PDE4B: variants seen among roughly 807,000 people sequenced by gnomAD.
PDE4B encodes the protein 3',5'-cyclic-AMP phosphodiesterase 4B.
A neutral mutation model predicts 82.2 loss-of-function variants in PDE4B; 20 were observed. That is an observed-to-expected ratio of 0.24 (90% CI 0.17 to 0.35). The LOEUF (loss-of-function observed/expected upper bound fraction) is 0.35, where lower values mean the gene tolerates loss of function less well. Ranked by LOEUF, PDE4B falls within the 10% of genes least tolerant of loss-of-function variation. The pLI, the probability that PDE4B is intolerant of heterozygous loss-of-function variation, is 1.00. For missense variants in PDE4B, 655 were observed against 907.2 expected (o/e 0.72, Z 3.57); for synonymous variants, 320 against 318.9 (o/e 1.00, Z -0.04).
intron 3 of PDE4B, among the ~76,000 whole-genome samples, chr1:65,985,436 C>G (rs529470324): frequency 6.6e-6 from 1 of 151,770 alleles, no homozygotes; most frequent in South Asian, 2.1e-4. Flanking sequence ...TTTTTCTTAT[C>G]TATTTCAGAC....
intron 7 of PDE4B, among the ~76,000 whole-genome samples, chr1:66,288,253 A>C (rs747276518): frequency 4.6e-5 from 7 of 152,022 alleles, no homozygotes; most frequent in Non-Finnish European, 7.4e-5. Context: ...GCCAGATCTT[A>C]TGAGAAATCA....
intron 3 of PDE4B, among the ~76,000 whole-genome samples, chr1:66,171,693 C>T (rs74084644): frequency 6.6e-6 from 1 of 151,946 alleles, no homozygotes; most frequent in African/African-American, 2.4e-5. Flanking sequence ...CTCAAGCAGG[C>T]CTGAGCTTTA....
intron 13 of PDE4B, 162 bp from the exon 14 acceptor site, chr1:66,367,524 ACTGATGACTT>A (rs1663337632): frequency 1.8e-6 from 1 of 546,970 alleles, no homozygotes; most frequent in South Asian, 2.8e-5. Context: ...TTGCTTAGAA[ACTGATGACTT>A]CTGTTTGTAG....
At chr1:66,049,276 G>T (rs1265485788) in intron 3 of PDE4B, among the ~76,000 whole-genome samples, 1 of 151,964 alleles carries the variant, frequency 6.6e-6, no homozygotes, top group East Asian at 1.9e-4. Flanking sequence ...ATTGTGAATG[G>T]AAAAGCTACA....
rs561141737 is a variant in PDE4B at position 66,003,198 on chromosome 1, G to A, written c.281+84363G>A. On this transcript the variant is annotated intron_variant, in intron 3 of 16. Transcript: ENST00000341517. ...ACAATTCAGTATACTAAGAAACAAA[G>A]TATCATTCATTTGCTGTCATGTAAT... Among the ~76,000 whole-genome samples the A allele has an allele frequency of 1.5e-3, 222 of 152,100 alleles. 1 individual carries two copies. Among genetic ancestry groups the A allele is most frequent in the Non-Finnish European group, 2.7e-3 (182 of 67,962 alleles).
chr1:66,225,264 C>G (rs1202859575), intron 3 of PDE4B, among the ~76,000 whole-genome samples: 2 of 152,216 alleles, frequency 1.3e-5, no homozygotes, highest in Non-Finnish European at 2.9e-5. Flanking sequence ...CCCCCGTTCT[C>G]ACCTCAACTC....
At chr1:66,356,519 A>C (rs931573036) in intron 9 of PDE4B, among the ~76,000 whole-genome samples, 1 of 152,098 alleles carries the variant, frequency 6.6e-6, no homozygotes, top group Non-Finnish European at 1.5e-5. Context: ...TGCTTATGAA[A>C]CCTCACTTTC....
At chr1:66,107,997 C>T (rs1645404770) in intron 3 of PDE4B, among the ~76,000 whole-genome samples, 3 of 151,730 alleles carry the variant, frequency 2.0e-5, no homozygotes, top group Non-Finnish European at 4.4e-5. Flanking sequence ...AAAAATTATA[C>T]ATATTTATGG....
chr1:66,238,577 C>T (rs939879509), intron 3 of PDE4B, among the ~76,000 whole-genome samples: 1 of 152,100 alleles, frequency 6.6e-6, no homozygotes, highest in Non-Finnish European at 1.5e-5. Context: ...CAGAGATACA[C>T]AAAACAGTAC....
chr1:66,128,218 GTTTTCT>G (rs1326278106), intron 3 of PDE4B, among the ~76,000 whole-genome samples: 1 of 152,106 alleles, frequency 6.6e-6, no homozygotes, highest in African/African-American at 2.4e-5. Context: ...CACATAAAAT[GTTTTCT>G]GCAAGAAAAT....
At chr1:65,876,654 T>G (rs1033214148) in intron 1 of PDE4B, among the ~76,000 whole-genome samples, 7 of 152,104 alleles carry the variant, frequency 4.6e-5, no homozygotes, top group African/African-American at 1.7e-4. Flanking sequence ...GATTAATAAA[T>G]TTTCATAATT....
chr1:65,926,391 A>T (rs895194619), intron 3 of PDE4B, among the ~76,000 whole-genome samples: 14 of 152,058 alleles, frequency 9.2e-5, no homozygotes, highest in African/African-American at 3.4e-4. Flanking sequence ...TTCATCCCAC[A>T]CTTGTTTTGG....
chr1:65,847,037 A>G (rs559745563), intron 1 of PDE4B, among the ~76,000 whole-genome samples: 1 of 152,194 alleles, frequency 6.6e-6, no homozygotes, highest in Non-Finnish European at 1.5e-5. Context: ...TTGTAGATTT[A>G]AAAAAACCTG....
At chr1:66,116,543 C>G (rs185317706) in intron 3 of PDE4B, among the ~76,000 whole-genome samples, 5 of 152,242 alleles carry the variant, frequency 3.3e-5, no homozygotes, top group Admixed American at 1.3e-4. Context: ...GTGTCAACAT[C>G]CGGAGGTCAG....
At chr1:66,226,733 T>C (rs1402064486) in intron 3 of PDE4B, among the ~76,000 whole-genome samples, 2 of 152,200 alleles carry the variant, frequency 1.3e-5, no homozygotes, top group African/African-American at 4.8e-5. Flanking sequence ...TCGTAAGGAT[T>C]TTGGATTTTA....
At chr1:65,809,057 G>A (rs762929228) in intron 1 of PDE4B, among the ~76,000 whole-genome samples, 11 of 151,980 alleles carry the variant, frequency 7.2e-5, no homozygotes, top group African/African-American at 2.2e-4. Flanking sequence ...TGGGCTGGGC[G>A]TGGTAGCTCA....
intron 3 of PDE4B, among the ~76,000 whole-genome samples, chr1:66,212,789 C>T (rs781191761): frequency 7.2e-5 from 11 of 152,162 alleles, no homozygotes; most frequent in African/African-American, 2.7e-4. Flanking sequence ...TCCATACAAC[C>T]CCCGACATGG....
rs980676290 is a variant in PDE4B at position 66,226,159 on chromosome 1, A to G, written c.282-21301A>G. ...CTTAATTTTTTAAAGCTGAGCATGC[A>G]TTCAGTTCACCAAGACCCCAACAAT... On this transcript the variant is annotated intron_variant, in intron 3 of 16. Transcript: ENST00000341517. Among the ~76,000 whole-genome samples, 7 of 152,202 alleles carry G rather than the reference A, an allele frequency of 4.6e-5. No individual in the cohort carries two copies. In the East Asian group the frequency reaches 5.8e-4, roughly 13 times the overall value.
intron 3 of PDE4B, among the ~76,000 whole-genome samples, chr1:66,226,958 C>T (rs568935743): frequency 1.8e-4 from 28 of 152,044 alleles, no homozygotes; most frequent in Non-Finnish European, 2.5e-4. Context: ...AAGGATAGGA[C>T]AGACATTGGA....
Sources: gnomAD v4.1 joint callset for allele counts (sites outside exome capture counted in the v4.1 genomes callset) on GRCh38, gnomAD v4.1.1 for gene constraint, MANE v1.5 for transcripts, NCBI Gene and HGNC (gene_info 2026-07-23, HGNC 2026-07-21) for gene names.